The following MACROD2 variants were observed in gnomAD, a reference collection of about 807,000 sequenced individuals.
The protein encoded by MACROD2 is mono-ADP ribosylhydrolase 2, also known as ADP-ribose glycohydrolase MACROD2.
MACROD2 carries 36 observed loss-of-function variants against 70.4 expected under a neutral mutation model. The ratio of observed to expected loss-of-function variants is 0.51; its 90% confidence interval spans 0.39 to 0.68. The LOEUF (loss-of-function observed/expected upper bound fraction) is 0.68. MACROD2 is among the 30% of genes least tolerant of loss of function. MACROD2 has a pLI of 0.00. For missense variants in MACROD2, 496 were observed against 538.4 expected, an observed-to-expected ratio of 0.92 and a Z score of 0.78; for synonymous variants, 172 against 178.8, an observed-to-expected ratio of 0.96 and a Z score of 0.30.
intron 4 of MACROD2, among the ~76,000 whole-genome samples, chr20:14,674,139 C>T (rs1381589834): frequency 1.4e-4 from 22 of 151,988 alleles, no homozygotes. Context: ...TCAATGAAAA[C>T]GTGATTCTGA....
chr20:15,373,865 A>C lies in MACROD2; in HGVS notation c.541-57540A>C, dbSNP rs185465129. 9.1e-4 allele frequency among the ~76,000 whole-genome samples: 139 copies of C among 152,316 alleles called. 3 individuals are homozygous for C. The highest frequency in any genetic ancestry group is 5.9e-5 in the Non-Finnish European group (4 of 68,024). ...TTTGACATTTTTTGTAAATATTTGCAGTACTTTTCCTTGTACCTTTTGACA... is the reference window on the plus strand; with the variant it reads ...TTTGACATTTTTTGTAAATATTTGCCGTACTTTTCCTTGTACCTTTTGACA... On this transcript the variant is annotated intron_variant, in intron 6 of 17. Coordinates refer to ENST00000684519, the MANE Select transcript of MACROD2 (RefSeq NM_001351661.2).
chr20:15,485,424 G>T (rs921985173), intron 7 of MACROD2, among the ~76,000 whole-genome samples: 1 of 152,052 alleles, frequency 6.6e-6, no homozygotes, highest in Non-Finnish European at 1.5e-5. Flanking sequence ...TGCCCCAGCA[G>T]GTTTTCCTGG....
At chr20:14,832,349 T>C (rs1443174427) in intron 5 of MACROD2, among the ~76,000 whole-genome samples, 1 of 151,808 alleles carries the variant, frequency 6.6e-6, no homozygotes, top group Non-Finnish European at 1.5e-5. Flanking sequence ...GAAAATATTG[T>C]GTTTTGCAAG....
At chr20:14,686,781 G>A (rs2071007751) in intron 5 of MACROD2, among the ~76,000 whole-genome samples, 1 of 152,088 alleles carries the variant, frequency 6.6e-6, no homozygotes, top group South Asian at 2.1e-4. Context: ...GGTAAGTGAA[G>A]CATGATTGTA....
chr20:15,796,030 C>T (rs1277482945), intron 8 of MACROD2, among the ~76,000 whole-genome samples: 1 of 152,102 alleles, frequency 6.6e-6, no homozygotes. Context: ...CTTTGAAGGG[C>T]AGCATTTCAG....
intron 8 of MACROD2, among the ~76,000 whole-genome samples, chr20:15,808,552 A>C (rs1343906327): frequency 6.6e-6 from 1 of 152,172 alleles, no homozygotes; most frequent in Non-Finnish European, 1.5e-5. Flanking sequence ...TTACTATTTT[A>C]CTTATAAAAG....
chr20:13,997,293 G>C (rs2052676262), intron 1 of MACROD2, among the ~76,000 whole-genome samples: 1 of 152,036 alleles, frequency 6.6e-6, no homozygotes, highest in African/African-American at 2.4e-5. Context: ...ATTTTGCTTT[G>C]TTTTTTTCAG....
At chr20:14,158,520 G>A (rs2055137106) in intron 3 of MACROD2, among the ~76,000 whole-genome samples, 2 of 152,100 alleles carry the variant, frequency 1.3e-5, no homozygotes, top group African/African-American at 4.8e-5. Context: ...ATGTCCTGAA[G>A]TATTTTCCTT....
chr20:15,161,251 C>A (rs2145875010), intron 5 of MACROD2, among the ~76,000 whole-genome samples: 1 of 151,802 alleles, frequency 6.6e-6, no homozygotes, highest in African/African-American at 2.4e-5. Flanking sequence ...ATAAAAAAAT[C>A]ATTTGCAGGT....
chr20:14,228,954 G>A lies in MACROD2; in HGVS notation c.271+143226G>A, dbSNP rs1035302256. 2.8e-5 allele frequency among the ~76,000 whole-genome samples: 4 copies of A among 143,070 alleles called. No homozygotes were observed. In the South Asian group the frequency reaches 8.7e-4, roughly 31 times the overall value. The allele number at this position is 143,070 out of a possible 152,430, so 93.9% of individuals were successfully genotyped here. On this transcript the variant is annotated intron_variant, in intron 3 of 17. Transcript: ENST00000684519. ...CCTGGGAGGCAGCAGAGGTTGCAGT[G>A]AGCCAGGATCATGCCACAGCACACC...
intron 5 of MACROD2, among the ~76,000 whole-genome samples, chr20:14,915,683 T>C (rs564316377): frequency 6.6e-6 from 1 of 152,332 alleles, no homozygotes; most frequent in Non-Finnish European, 1.5e-5. Context: ...GCAAGCAGTC[T>C]GCAGCAACAG....
At chr20:14,463,570 A>T (rs1023298494) in intron 3 of MACROD2, among the ~76,000 whole-genome samples, 1 of 151,998 alleles carries the variant, frequency 6.6e-6, no homozygotes, top group African/African-American at 2.4e-5. Context: ...TTCCAACACT[A>T]TGTTGAATAG....
At chr20:15,193,127 C>T (rs1010180640) in intron 5 of MACROD2, among the ~76,000 whole-genome samples, 1 of 152,130 alleles carries the variant, frequency 6.6e-6, no homozygotes, top group Admixed American at 6.5e-5. Flanking sequence ...TAGTTACCTC[C>T]CATCTTCTTT....
chr20:14,238,316 A>G (rs145957556), intron 3 of MACROD2, among the ~76,000 whole-genome samples: 140 of 152,364 alleles, frequency 9.2e-4, no homozygotes, highest in African/African-American at 3.2e-3. Flanking sequence ...TTATATTATT[A>G]TCTTAATTAA....
At chr20:14,606,459 TTAAA>T (rs150142270) in intron 4 of MACROD2, among the ~76,000 whole-genome samples, 5,201 of 152,272 alleles carry the variant, frequency 0.034, 107 homozygotes, top group African/African-American at 0.043. Context: ...TCACCACCAG[TTAAA>T]TTAATTAGTT....
intron 6 of MACROD2, among the ~76,000 whole-genome samples, chr20:15,408,800 A>G (rs1455074579): frequency 6.6e-6 from 1 of 152,174 alleles, no homozygotes. Context: ...TATTATCTTC[A>G]AGTATGTCTG....
intron 5 of MACROD2, among the ~76,000 whole-genome samples, chr20:14,725,022 A>C (rs2071511961): frequency 6.6e-6 from 1 of 152,132 alleles, no homozygotes; most frequent in African/African-American, 2.4e-5. Flanking sequence ...ACAAATGGGT[A>C]GTTTCAGAGT....
intron 3 of MACROD2, among the ~76,000 whole-genome samples, chr20:14,192,564 A>T (rs955858748): frequency 3.9e-5 from 6 of 152,160 alleles, no homozygotes; most frequent in Non-Finnish European, 8.8e-5. Flanking sequence ...CTAGTTAGGC[A>T]TGCTGTTTAG....
rs3071356 is a variant in MACROD2 at position 15,713,987 on chromosome 20, G to GCACACACACACA, written c.646-148724_646-148713dup. 1.4e-3 allele frequency among the ~76,000 whole-genome samples: 165 copies of GCACACACACACA among 117,776 alleles called. 1 individual carries two copies. Among genetic ancestry groups the GCACACACACACA allele is most frequent in the East Asian group, 8.0e-3 (32 of 4,022 alleles). 77.3% of individuals were successfully genotyped at this position (117,776 alleles called of 152,430 possible). A position where few individuals can be genotyped will look rare whatever the true frequency, so the allele number is the denominator to read the frequency against. ...TGTTCTAGTAAACACACACACATAT[G>GCACACACACACA]CACACACACACACACACACACACAC... On this transcript the variant is annotated intron_variant, in intron 8 of 17. Coordinates refer to ENST00000684519, the MANE Select transcript of MACROD2 (RefSeq NM_001351661.2).
Sources: gnomAD v4.1 joint callset for allele counts (sites outside exome capture counted in the v4.1 genomes callset) on GRCh38, gnomAD v4.1.1 for gene constraint, MANE v1.5 for transcripts, NCBI Gene and HGNC (gene_info 2026-07-23, HGNC 2026-07-21) for gene names.